The following RNF144B variants were observed in gnomAD, a reference collection of about 807,000 sequenced individuals.
The protein encoded by RNF144B is E3 ubiquitin-protein ligase RNF144B.
A neutral mutation model predicts 40.2 loss-of-function variants in RNF144B; 25 were observed. That is an observed-to-expected ratio of 0.62 (90% CI 0.45 to 0.87). The LOEUF is 0.87. Ranked by LOEUF, RNF144B falls within the 40% of genes least tolerant of loss-of-function variation. The probability of loss-of-function intolerance (pLI) is 0.00; values close to 1 mark genes in which losing one functional copy is unlikely to be tolerated. For missense variants in RNF144B, 365 were observed against 373.7 expected, an observed-to-expected ratio of 0.98 and a Z score of 0.19; for synonymous variants, 145 against 136.3, an observed-to-expected ratio of 1.06 and a Z score of -0.44.
At position 18,440,161 on chromosome 6, in the gene RNF144B, G is replaced by T. The variant is rs552766601; in HGVS notation, c.331+417G>T. On this transcript the variant is annotated intron_variant, in intron 4 of 7. Coordinates refer to ENST00000259939, the MANE Select transcript of RNF144B (RefSeq NM_182757.4). ...CAGAATACATAACACCTGTTTTTTTGATACTACTTTTGTAATCATGGTAAT... is the reference window on the plus strand; with the variant it reads ...CAGAATACATAACACCTGTTTTTTTTATACTACTTTTGTAATCATGGTAAT... Among the ~76,000 whole-genome samples, 286 of 152,080 alleles carry T rather than the reference G, an allele frequency of 1.9e-3. 3 individuals are homozygous for T. The highest frequency in any genetic ancestry group is 2.5e-3 in the Non-Finnish European group (168 of 67,968).
intron 1 of RNF144B, among the ~76,000 whole-genome samples, chr6:18,388,576 C>T (rs1794515787): frequency 6.6e-6 from 1 of 152,082 alleles, no homozygotes; most frequent in Admixed American, 6.6e-5. Flanking sequence ...CCTCTTGGTC[C>T]CTTTCACATC....
At chr6:18,421,056 A>C (rs1272218205) in intron 2 of RNF144B, among the ~76,000 whole-genome samples, 3 of 151,958 alleles carry the variant, frequency 2.0e-5, no homozygotes, top group Non-Finnish European at 2.9e-5. Context: ...GGAGTTCAAG[A>C]TCAGCCTGAG....
chr6:18,463,850 G>A (rs1285817314), intron 7 of RNF144B, among the ~76,000 whole-genome samples: 2 of 152,164 alleles, frequency 1.3e-5, no homozygotes, highest in African/African-American at 2.4e-5. Context: ...GAAGGCAAAG[G>A]AGGAGCAAAG....
At position 18,406,227 on chromosome 6, in the gene RNF144B, A is replaced by AG. The variant is rs1321324731; in HGVS notation, c.165+6534dup. 1.2e-5 allele frequency: 6 copies of AG among 500,312 alleles called. No homozygotes were observed. Among genetic ancestry groups the AG allele is most frequent in the African/African-American group, 9.8e-5 (5 of 50,978 alleles). 31.0% of individuals were successfully genotyped at this position (500,312 alleles called of 1,614,324 possible). The stretch of plus-strand genomic sequence containing the variant: ...GTTTGTGCTATGGAAAAATAGGGTG[A>AG]GGGGGGTCAGGAGTGCTGTGGGGAA... On this transcript the variant is annotated intron_variant, in intron 2 of 7. Coordinates refer to ENST00000259939, the MANE Select transcript of RNF144B (RefSeq NM_182757.4). The surrounding 1 kb of genome is among the most constrained non-coding windows in gnomAD (Gnocchi z 4.2).
rs1266192830 is a variant in RNF144B, at chr6:18,410,296, G to T, written c.165+10597G>T. On this transcript the variant is annotated intron_variant, in intron 2 of 7. Coordinates refer to ENST00000259939, the MANE Select transcript of RNF144B (RefSeq NM_182757.4). This position sits in a 1 kb window ranked among gnomAD's most constrained non-coding sequence, Gnocchi z 4.6. ...TCCATTTGGTACTAGTGTGTGCCAGGCATGGTGTTAATTGTGGAGCAAGTG... is the reference window on the plus strand; with the variant it reads ...TCCATTTGGTACTAGTGTGTGCCAGTCATGGTGTTAATTGTGGAGCAAGTG... Among the ~76,000 whole-genome samples the T allele has an allele frequency of 6.6e-6, 1 of 152,102 alleles. No homozygotes were observed. The highest frequency in any genetic ancestry group is 1.5e-5 in the Non-Finnish European group (1 of 68,026).
chr6:18,408,444 T>C (rs1794960403), intron 2 of RNF144B, among the ~76,000 whole-genome samples: 1 of 152,236 alleles, frequency 6.6e-6, no homozygotes, highest in South Asian at 2.1e-4. Context: ...TATTTTAATA[T>C]GCATTTATCT....
At chr6:18,390,280 A>C (rs909099328) in intron 1 of RNF144B, among the ~76,000 whole-genome samples, 2 of 152,214 alleles carry the variant, frequency 1.3e-5, no homozygotes, top group Non-Finnish European at 2.9e-5. Flanking sequence ...CATAATTTTT[A>C]CCTTTAGGTG....
At position 18,387,558 on chromosome 6, in the gene RNF144B, G is replaced by T; in HGVS notation, c.-109G>T. On this transcript the variant is annotated 5_prime_UTR_variant, in exon 1 of 8. Transcript: ENST00000259939. The stretch of plus-strand genomic sequence containing the variant: ...AGAGCTCCTGTCCGGTGTGCCAGCA[G>T]CCCGGACTGGCGGTGAGCGCGAGGG... 1 of 1,329,090 alleles carries T rather than the reference G, an allele frequency of 7.5e-7. No individual in the cohort carries two copies. Among genetic ancestry groups the T allele is most frequent in the Non-Finnish European group, 9.9e-7 (1 of 1,010,728 alleles). The allele number at this position is 1,329,090 out of a possible 1,614,324, so 82.3% of individuals were successfully genotyped here.
intron 1 of RNF144B, among the ~76,000 whole-genome samples, chr6:18,394,763 C>T (rs114467325): frequency 7.8e-4 from 119 of 152,174 alleles, no homozygotes; most frequent in African/African-American, 1.7e-3. Context: ...TGACAAGACA[C>T]GAGGGGAAAG....
At chr6:18,408,938 GTTTT>G (rs3078245) in intron 2 of RNF144B, among the ~76,000 whole-genome samples, 3 of 143,966 alleles carry the variant, frequency 2.1e-5, no homozygotes, top group African/African-American at 5.2e-5. Flanking sequence ...CCAGAAAAGT[GTTTT>G]TTTTTTTTTT....
Position 18,443,548 on chromosome 6 carries a change from A to C in RNF144B, c.331+3804A>C, listed in dbSNP as rs1197661441. On this transcript the variant is annotated intron_variant, in intron 4 of 7. Transcript: ENST00000259939. The surrounding 1 kb of genome is among the most constrained non-coding windows in gnomAD (Gnocchi z 4.7). ...AGTTCTGGGATTACAGGTGTGAGCT[A>C]CCGTGCCCGGCCTCTTAGGTGATTT... Among the ~76,000 whole-genome samples, 2 of 152,182 alleles carry C rather than the reference A, an allele frequency of 1.3e-5. No homozygotes were observed. The highest frequency in any genetic ancestry group is 3.8e-4 in the East Asian group (2 of 5,196).
In RNF144B at chr6:18,459,157, G is replaced by C. The variant is rs1051036192; in HGVS notation, c.537-450G>C. Among the ~76,000 whole-genome samples the C allele has an allele frequency of 6.6e-6, 1 of 152,182 alleles. No individual in the cohort carries two copies. Among genetic ancestry groups the C allele is most frequent in the Non-Finnish European group, 1.5e-5 (1 of 68,032 alleles). ...TGAGCCTGTATTGGTCTATTCGTCT[G>C]TTTGGAGAAGGTCTTTTGAAAGTAT... On this transcript the variant is annotated intron_variant, in intron 5 of 7. Transcript: ENST00000259939. This position sits in a 1 kb window ranked among gnomAD's most constrained non-coding sequence, Gnocchi z 4.2.
In RNF144B at chr6:18,400,740, C is replaced by T. The variant is rs143939079; in HGVS notation, c.165+1041C>T. Among the ~76,000 whole-genome samples the T allele has an allele frequency of 3.8e-3, 577 of 152,290 alleles. 10 individuals carry two copies. The highest frequency in any genetic ancestry group is 0.035 in the Admixed American group (538 of 15,294). ...AATGGTTCTAGGCACGAGGATTTAT[C>T]AGTTAAGGAAACAAAACCCAGCGAA... On this transcript the variant is annotated intron_variant, in intron 2 of 7. Transcript: ENST00000259939. The surrounding 1 kb of genome is among the most constrained non-coding windows in gnomAD (Gnocchi z 5.6).
rs928612280 is a variant in RNF144B at position 18,398,067 on chromosome 6, C to T, written c.-36-1432C>T. Among the ~76,000 whole-genome samples, 19 of 152,020 alleles carry T rather than the reference C, an allele frequency of 1.2e-4. No individual in the cohort carries two copies. Among genetic ancestry groups the T allele is most frequent in the African/African-American group, 3.1e-4 (13 of 41,456 alleles). ...GAGGCTGCAGTGAGCTATGATTGTG[C>T]CACCACACTCGAGCCTGGGCAACAG... On this transcript the variant is annotated intron_variant, in intron 1 of 7. Coordinates refer to ENST00000259939, the MANE Select transcript of RNF144B (RefSeq NM_182757.4). The surrounding 1 kb of genome is among the most constrained non-coding windows in gnomAD (Gnocchi z 5.0).
rs1474359871 is a variant in RNF144B, at chr6:18,465,865, G to C, written c.*798G>C. 1 of 152,212 alleles carries C rather than the reference G, an allele frequency of 6.6e-6. No individual in the cohort carries two copies. The highest frequency in any genetic ancestry group is 2.4e-5 in the African/African-American group (1 of 41,456). 9.4% of individuals were successfully genotyped at this position (152,212 alleles called of 1,614,324 possible). A position where few individuals can be genotyped will look rare whatever the true frequency, so the allele number is the denominator to read the frequency against. ...ACAGAATTGTTTCATATAAAATACG[G>C]GTAGAGTGGTAGAGTTTCAAAACTT... On this transcript the variant is annotated 3_prime_UTR_variant, in exon 8 of 8. Coordinates refer to ENST00000259939, the MANE Select transcript of RNF144B (RefSeq NM_182757.4).
At position 18,464,786 on chromosome 6, in the gene RNF144B, A is replaced by T. The variant is rs1759540389; in HGVS notation, c.772-141A>T. 1.0e-5 allele frequency: 8 copies of T among 791,540 alleles called. No homozygotes were observed. 49.0% of individuals were successfully genotyped at this position (791,540 alleles called of 1,614,324 possible). On this transcript the variant is annotated intron_variant, in intron 7 of 7. Transcript: ENST00000259939. The surrounding 1 kb of genome is among the most constrained non-coding windows in gnomAD (Gnocchi z 6.1). ...AAAGGCCTCGTCTCCAAATACCGTC[A>T]CATCGGGGATTTAGGGTTTCAACAT...
chr6:18,447,602 A>C lies in RNF144B; in HGVS notation c.331+7858A>C, dbSNP rs1363757611. 1.3e-5 allele frequency among the ~76,000 whole-genome samples: 2 copies of C among 152,214 alleles called. No individual in the cohort carries two copies. Among genetic ancestry groups the C allele is most frequent in the East Asian group, 3.8e-4 (2 of 5,200 alleles). ...GGAGGCTGTGGTAGTGATCCAGTCC[A>C]AAACAGTACAGTAGATTATATGTTA... On this transcript the variant is annotated intron_variant, in intron 4 of 7. Transcript: ENST00000259939. The surrounding 1 kb of genome is among the most constrained non-coding windows in gnomAD (Gnocchi z 5.6).
intron 2 of RNF144B, among the ~76,000 whole-genome samples, chr6:18,415,203 G>A (rs1242967299): frequency 2.0e-5 from 3 of 152,074 alleles, no homozygotes; most frequent in African/African-American, 7.3e-5. Context: ...ATCTGAGGAC[G>A]GGGGGCTGAC....
chr6:18,421,497 C>T (rs1017631494), intron 2 of RNF144B, among the ~76,000 whole-genome samples: 2 of 151,906 alleles, frequency 1.3e-5, no homozygotes, highest in Admixed American at 6.6e-5. Context: ...AAAATTTTGA[C>T]GTGTTCAGCA....
Sources: allele counts gnomAD v4.1 joint callset (sites outside exome capture counted in the v4.1 genomes callset), GRCh38; gene constraint gnomAD v4.1.1; non-coding constraint Gnocchi (gnomAD v3.1); transcripts MANE v1.5; gene names NCBI Gene and HGNC (gene_info 2026-07-23, HGNC 2026-07-21).